Variants in COL12A1 observed in about 807,000 individuals in gnomAD.
COL12A1 encodes collagen alpha-1(XII) chain.
Under a neutral mutation model 349.7 loss-of-function variants are expected in COL12A1, and 114 were observed. That is an observed-to-expected ratio of 0.33 (90% confidence interval 0.28 to 0.38). The LOEUF (loss-of-function observed/expected upper bound fraction) is 0.38, where lower values mean the gene tolerates loss of function less well. Among genes scored for constraint, COL12A1 ranks in the 10% least tolerant of loss-of-function variants. The pLI, the probability that COL12A1 is intolerant of heterozygous loss-of-function variation, is 1.00. For synonymous variants in COL12A1, 1,369 were observed against 1,329.0 expected (o/e 1.03, Z -0.66); for missense variants, 3,284 against 3,756.9 (o/e 0.87, Z 3.29).
At chr6:75,087,127 G>C (rs1767537052) in intron 65 of COL12A1, 1 of 159,896 alleles carries the variant, frequency 6.3e-6, no homozygotes, top group Non-Finnish European at 1.4e-5. Flanking sequence ...TTAATTCCAT[G>C]GCTAGTATGG....
At position 75,145,996 on chromosome 6, in the gene COL12A1, G is replaced by C. The variant is rs907958199; in HGVS notation, c.4560+106C>G. On this transcript the variant is annotated intron_variant, in intron 24 of 65. Coordinates refer to ENST00000322507, the MANE Select transcript of COL12A1 (RefSeq NM_004370.6). ...ACCTACTTTTCTATTTTTCCATTTTGTACGTAAAGTTATAAATGAGTTTGT... is the reference window on the plus strand; with the variant it reads ...ACCTACTTTTCTATTTTTCCATTTTCTACGTAAAGTTATAAATGAGTTTGT... The C allele has an allele frequency of 5.0e-5, 62 of 1,228,134 alleles. No individual in the cohort carries two copies. The African/African-American group carries it at 8.8e-4, about 17-fold the overall frequency. 76.1% of individuals were successfully genotyped at this position (1,228,134 alleles called of 1,614,324 possible).
At position 75,138,304 on chromosome 6, in the gene COL12A1, C is replaced by T; in HGVS notation, c.5251+16G>A. 2 of 1,600,030 alleles carry T rather than the reference C, an allele frequency of 1.2e-6. No individual in the cohort carries two copies. Among genetic ancestry groups the T allele is most frequent in the Non-Finnish European group, 1.7e-6 (2 of 1,172,638 alleles). ...TTATTTGTTCATTCAAACAATTCAT[C>T]AAATTAAATTCTTACCTTGTGTTGT... On this transcript the variant is annotated intron_variant, in intron 30 of 65. Transcript: ENST00000322507.
chr6:75,129,495 A>C (rs1197925223), intron 37 of COL12A1, among the ~76,000 whole-genome samples: 5 of 152,210 alleles, frequency 3.3e-5, no homozygotes, highest in African/African-American at 7.2e-5. Context: ...CACTCATAAC[A>C]AATGGATGTG....
chr6:75,120,563 T>TA (rs1769305604), intron 44 of COL12A1, among the ~76,000 whole-genome samples: 2 of 152,072 alleles, frequency 1.3e-5, no homozygotes, highest in African/African-American at 4.8e-5. Flanking sequence ...TTAATGACAA[T>TA]ATGAAGTGAT....
intron 65 of COL12A1, 97 bp downstream of exon 65, chr6:75,087,480 A>G: frequency 1.7e-6 from 2 of 1,206,846 alleles, no homozygotes; most frequent in Non-Finnish European, 2.4e-6. Flanking sequence ...TCTTCAAGAC[A>G]TCTTCAAATC....
intron 40 of COL12A1, 68 bp from the exon 41 acceptor site, chr6:75,124,439 C>T: frequency 8.6e-7 from 1 of 1,168,028 alleles, no homozygotes. Flanking sequence ...TTAATCATAA[C>T]ACAATTTTCA....
chr6:75,127,362 G>T (rs1348646776), intron 38 of COL12A1, among the ~76,000 whole-genome samples: 2 of 152,144 alleles, frequency 1.3e-5, no homozygotes, highest in Non-Finnish European at 2.9e-5. Flanking sequence ...GTCAACTCTA[G>T]TCCTGCTTTT....
intron 5 of COL12A1, among the ~76,000 whole-genome samples, chr6:75,190,528 G>A (rs1403790484): frequency 6.6e-6 from 1 of 151,834 alleles, no homozygotes; most frequent in African/African-American, 2.4e-5. Flanking sequence ...TTATTCAAAA[G>A]TTAAAAATCC....
At chr6:75,140,948 A>G (rs1206743530) in intron 27 of COL12A1, among the ~76,000 whole-genome samples, 3 of 152,218 alleles carry the variant, frequency 2.0e-5, no homozygotes, top group African/African-American at 7.2e-5. Context: ...ATGTGCTCTA[A>G]GTGTAAAATA....
chr6:75,172,586 G>A (rs1189427144), intron 13 of COL12A1, among the ~76,000 whole-genome samples: 1 of 152,178 alleles, frequency 6.6e-6, no homozygotes, highest in African/African-American at 2.4e-5. Flanking sequence ...GAAAGCATAT[G>A]GAGAAACAGA....
intron 40 of COL12A1, 86 bp downstream of exon 40, chr6:75,125,041 T>C (rs115701016): frequency 2.3e-6 from 3 of 1,324,388 alleles, no homozygotes; most frequent in African/African-American, 3.0e-5. Context: ...AACATGTATA[T>C]GTTCAGAAAC....
chr6:75,103,866 T>C, intron 54 of COL12A1, 56 bp from the exon 55 acceptor site: 2 of 1,429,158 alleles, frequency 1.4e-6, no homozygotes, highest in Non-Finnish European at 9.6e-7. Flanking sequence ...AGGAAGTTGA[T>C]ATACAAAAAG....
At chr6:75,120,794 T>A (rs1210965755) in intron 44 of COL12A1, among the ~76,000 whole-genome samples, 1 of 152,218 alleles carries the variant, frequency 6.6e-6, no homozygotes, top group Non-Finnish European at 1.5e-5. Context: ...CAGAGCAAGA[T>A]AATTGGTAGT....
At position 75,183,200 on chromosome 6, in the gene COL12A1, G is replaced by C. The variant is rs764727126; in HGVS notation, c.1741C>G (p.Arg581Gly). 1 of 1,614,040 alleles carries C rather than the reference G, an allele frequency of 6.2e-7. No individual in the cohort carries two copies. Among genetic ancestry groups the C allele is most frequent in the African/African-American group, 1.3e-5 (1 of 74,926 alleles). The change falls in exon 10 of 66, where the codon CGC (arginine) becomes GGC (glycine). Residue 581 changes from arginine to glycine, a missense_variant. Around this residue, in one of 2 missense-constraint regions of COL12A1, gnomAD observed 2,601 missense variants for 2,824.8 expected, o/e 0.92. Coordinates refer to ENST00000322507, the MANE Select transcript of COL12A1 (RefSeq NM_004370.6). ...GAGGCAATAGCTTCCAATTCTGAGC[G>C]AACGGCATCCTTCACACCAACTGCA... ...IFAVGVKDAV[R>G]SELEAIASPP...
intron 26 of COL12A1, among the ~76,000 whole-genome samples, chr6:75,142,923 A>G (rs1766983766): frequency 6.6e-6 from 1 of 152,188 alleles, no homozygotes; most frequent in South Asian, 2.1e-4. Context: ...TTTTAGAAAC[A>G]TGACATTTTC....
chr6:75,143,021 G>A (rs1040170158), intron 26 of COL12A1, among the ~76,000 whole-genome samples: 74 of 152,142 alleles, frequency 4.9e-4, no homozygotes, highest in African/African-American at 1.8e-3. Flanking sequence ...TCTACCAAGG[G>A]ATGATCTTTT....
chr6:75,147,328 G>T (rs1170885549), intron 23 of COL12A1, among the ~76,000 whole-genome samples: 2 of 152,088 alleles, frequency 1.3e-5, no homozygotes, highest in East Asian at 3.8e-4. Flanking sequence ...AGAGTAAAAT[G>T]TAAAATTATC....
rs964262021 is a variant in COL12A1, at chr6:75,085,325, G to C, written c.*1222C>G. The stretch of plus-strand genomic sequence containing the variant: ...GCTCCACCGGCACGATGAAGGGCTC[G>C]CGCTCAGGCAGGTAGGCCCCGCCCT... On this transcript the variant is annotated 3_prime_UTR_variant, in exon 66 of 66. Transcript: ENST00000322507. 4.2e-6 allele frequency: 2 copies of C among 471,062 alleles called. No individual in the cohort carries two copies. The highest frequency in any genetic ancestry group is 2.3e-5 in the Admixed American group (1 of 42,586). The allele number at this position is 471,062 out of a possible 1,614,324, so 29.2% of individuals were successfully genotyped here.
intron 31 of COL12A1, 150 bp from the exon 32 acceptor site, chr6:75,135,005 T>C (rs1275897889): frequency 4.6e-6 from 3 of 652,830 alleles, no homozygotes; most frequent in South Asian, 4.8e-5. Flanking sequence ...ATACACCTTG[T>C]GGTATAACTT....
Sources: allele counts gnomAD v4.1 joint callset (sites outside exome capture counted in the v4.1 genomes callset), GRCh38; gene constraint gnomAD v4.1.1; regional missense constraint gnomAD v4.1.1; transcripts MANE v1.5; gene names NCBI Gene and HGNC (gene_info 2026-07-23, HGNC 2026-07-21).